MEI4: variants seen among roughly 807,000 people sequenced by gnomAD.
The protein encoded by MEI4 is meiosis-specific protein MEI4.
MEI4 carries 27 observed loss-of-function variants against 31.4 expected under a neutral mutation model. The observed-to-expected ratio is 0.86, with a 90% confidence interval of 0.63 to 1.19. The LOEUF (loss-of-function observed/expected upper bound fraction) is 1.19. Ranked by LOEUF, MEI4 falls within the 50% of genes most tolerant of loss-of-function variation. MEI4 has a pLI of 0.00. For missense variants in MEI4, 329 were observed against 398.9 expected (o/e 0.82, Z 1.49); for synonymous variants, 122 against 145.4 (o/e 0.84, Z 1.16).
rs1298728074 is a variant in MEI4, at chr6:77,847,949, A to G, written c.900+18887A>G. On this transcript the variant is annotated intron_variant, in intron 4 of 4. Transcript: ENST00000684080. This position sits in a 1 kb window ranked among gnomAD's most constrained non-coding sequence, Gnocchi z 4.6. ...ATTAGAAAGGAAAAAAGGAAAGGAA[A>G]GAACGTCGGAATATTTATCTCCTCT... is the stretch of plus-strand genomic sequence containing the variant. Among the ~76,000 whole-genome samples the G allele has an allele frequency of 6.6e-6, 1 of 152,196 alleles. No individual in the cohort carries two copies. The highest frequency in any genetic ancestry group is 1.9e-4 in the East Asian group (1 of 5,192).
chr6:77,661,102 A>G (rs187220714), intron 1 of MEI4, among the ~76,000 whole-genome samples: 2 of 152,328 alleles, frequency 1.3e-5, no homozygotes, highest in East Asian at 3.9e-4. Context: ...TGTACCCTGT[A>G]GCATCTCGAG....
intron 3 of MEI4, among the ~76,000 whole-genome samples, chr6:77,794,878 T>G (rs1769037001): frequency 2.0e-5 from 3 of 152,180 alleles, no homozygotes; most frequent in Non-Finnish European, 4.4e-5. Flanking sequence ...GTTGATATCA[T>G]CTCATATGTA....
intron 4 of MEI4, among the ~76,000 whole-genome samples, chr6:77,881,079 T>G (rs1771478057): frequency 1.0e-5 from 1 of 96,916 alleles, no homozygotes; most frequent in Admixed American, 1.2e-4. Context: ...CTGTAACTAC[T>G]TACTGTCTTT....
intron 3 of MEI4, among the ~76,000 whole-genome samples, chr6:77,811,550 G>A (rs1561998623): frequency 6.6e-6 from 1 of 152,086 alleles, no homozygotes; most frequent in Non-Finnish European, 1.5e-5. Flanking sequence ...GGCTGAGGCA[G>A]ATGGATCACA....
At chr6:77,742,622 T>C (rs191365345) in intron 2 of MEI4, among the ~76,000 whole-genome samples, 1 of 152,208 alleles carries the variant, frequency 6.6e-6, no homozygotes, top group Non-Finnish European at 1.5e-5. Context: ...CTCTCTAGTT[T>C]AGTTAGATCC....
chr6:77,745,092 A>C (rs1232611987), intron 2 of MEI4, among the ~76,000 whole-genome samples: 1 of 152,220 alleles, frequency 6.6e-6, no homozygotes. Flanking sequence ...TAGCATCATA[A>C]TGACAGGATC....
chr6:77,668,349 G>A (rs1304424891), intron 1 of MEI4, among the ~76,000 whole-genome samples: 1 of 152,124 alleles, frequency 6.6e-6, no homozygotes, highest in African/African-American at 2.4e-5. Context: ...TGTCTGGAAG[G>A]AATTTCTAAG....
intron 3 of MEI4, among the ~76,000 whole-genome samples, chr6:77,809,459 T>A (rs1261517460): frequency 6.6e-6 from 1 of 152,246 alleles, no homozygotes; most frequent in Admixed American, 6.5e-5. Flanking sequence ...CTTCTTATAT[T>A]AAAAACTTAC....
chr6:77,702,662 A>C (rs1766250123), intron 2 of MEI4, among the ~76,000 whole-genome samples: 1 of 152,174 alleles, frequency 6.6e-6, no homozygotes, highest in Admixed American at 6.5e-5. Context: ...ATTGCAGCCC[A>C]GTCTCAAGTC....
At chr6:77,701,001 G>A (rs1766209757) in intron 2 of MEI4, among the ~76,000 whole-genome samples, 1 of 152,148 alleles carries the variant, frequency 6.6e-6, no homozygotes, top group Admixed American at 6.5e-5. Flanking sequence ...TACATACCCA[G>A]TGACACATTT....
rs528545661 is a variant in MEI4, at chr6:77,866,114, G to A, written c.900+37052G>A. Among the ~76,000 whole-genome samples the A allele has an allele frequency of 1.7e-3, 256 of 151,952 alleles. 2 individuals carry two copies. The highest frequency in any genetic ancestry group is 2.7e-3 in the Non-Finnish European group (183 of 68,020). ...AAGAGCTATCTATGACAAACCCACAGCCAATATCATACTGAATGGGCAAAA... is the reference window on the plus strand; with the variant it reads ...AAGAGCTATCTATGACAAACCCACAACCAATATCATACTGAATGGGCAAAA... On this transcript the variant is annotated intron_variant, in intron 4 of 4. Coordinates refer to ENST00000684080, the MANE Select transcript of MEI4 (RefSeq NM_001322247.2).
intron 3 of MEI4, among the ~76,000 whole-genome samples, chr6:77,807,909 C>T (rs1015519202): frequency 1.2e-4 from 19 of 152,288 alleles, no homozygotes; most frequent in African/African-American, 4.3e-4. Context: ...ACACAAAAAA[C>T]AGATGCTAAA....
At chr6:77,879,867 C>T (rs1223322410) in intron 4 of MEI4, among the ~76,000 whole-genome samples, 1 of 152,174 alleles carries the variant, frequency 6.6e-6, no homozygotes, top group Non-Finnish European at 1.5e-5. Flanking sequence ...GAATCCATAT[C>T]TGATCCTCCA....
At position 77,680,128 on chromosome 6, in the gene MEI4, A is replaced by AAAAAAAAAAAAAAAT. The variant is rs1247876878; in HGVS notation, c.-14-10529_-14-10528insAAAAAAAAAAAAATA. Among the ~76,000 whole-genome samples the AAAAAAAAAAAAAAAT allele has an allele frequency of 5.2e-5, 6 of 115,592 alleles. 1 individual carries two copies. The highest frequency in any genetic ancestry group is 1.1e-4 in the Non-Finnish European group (6 of 52,408). The allele number at this position is 115,592 out of a possible 152,430, so 75.8% of individuals were successfully genotyped here. On this transcript the variant is annotated intron_variant, in intron 1 of 4. Transcript: ENST00000684080. ...CTACTAAAAATACAAAAAAAAAAAA[A>AAAAAAAAAAAAAAAT]ATTAGCTGGGCGTGATGGCGGGCGC...
chr6:77,852,353 A>C (rs1770645836), intron 4 of MEI4, among the ~76,000 whole-genome samples: 1 of 152,208 alleles, frequency 6.6e-6, no homozygotes, highest in African/African-American at 2.4e-5. Context: ...GCTTATACAT[A>C]ATCAGTGCAA....
intron 1 of MEI4, among the ~76,000 whole-genome samples, chr6:77,676,512 G>T (rs1184607831): frequency 6.6e-6 from 1 of 151,950 alleles, no homozygotes; most frequent in African/African-American, 2.4e-5. Context: ...GGGCAATGGA[G>T]CAAGACCCAT....
intron 4 of MEI4, among the ~76,000 whole-genome samples, chr6:77,896,410 ATTAC>A (rs1290779491): frequency 6.6e-6 from 1 of 152,128 alleles, no homozygotes; most frequent in Non-Finnish European, 1.5e-5. Context: ...AAAAGAGCAC[ATTAC>A]TTAGGGATCA....
At chr6:77,921,494 G>A (rs1309738548) in intron 4 of MEI4, among the ~76,000 whole-genome samples, 1 of 151,758 alleles carries the variant, frequency 6.6e-6, no homozygotes, top group Non-Finnish European at 1.5e-5. Context: ...TTATTTGTGT[G>A]TTCAGTGGAA....
chr6:77,894,126 T>C (rs1486560683), intron 4 of MEI4, among the ~76,000 whole-genome samples: 1 of 152,150 alleles, frequency 6.6e-6, no homozygotes, highest in Non-Finnish European at 1.5e-5. Context: ...AGCAGACTTA[T>C]TGAATGGTTT....
Sources: allele counts gnomAD v4.1 joint callset (sites outside exome capture counted in the v4.1 genomes callset), GRCh38; gene constraint gnomAD v4.1.1; non-coding constraint Gnocchi (gnomAD v3.1); transcripts MANE v1.5; gene names NCBI Gene and HGNC (gene_info 2026-07-23, HGNC 2026-07-21).